Variants in DSCAM observed in about 807,000 individuals in gnomAD.
DSCAM encodes DS cell adhesion molecule.
DSCAM carries 47 observed loss-of-function variants against 217.7 expected under a neutral mutation model. That is an observed-to-expected ratio of 0.22 (90% CI 0.17 to 0.28). The LOEUF is 0.28. Ranked by LOEUF, DSCAM falls within the 10% of genes least tolerant of loss-of-function variation. The pLI, the probability that DSCAM is intolerant of heterozygous loss-of-function variation, is 1.00. For synonymous variants in DSCAM, 1,056 were observed against 1,015.3 expected (o/e 1.04, Z -0.76); for missense variants, 2,080 against 2,618.3 (o/e 0.79, Z 4.49).
rs141329252 is a variant in DSCAM, at chr21:40,389,810, T to C, written c.509-20565A>G. Among the ~76,000 whole-genome samples the C allele has an allele frequency of 2.6e-3, 394 of 152,306 alleles. 12 individuals are homozygous for C. In the East Asian group the frequency reaches 0.051, roughly 20 times the overall value. On this transcript the variant is annotated intron_variant, in intron 3 of 32. Coordinates refer to ENST00000400454, the MANE Select transcript of DSCAM (RefSeq NM_001389.5). The stretch of plus-strand genomic sequence containing the variant: ...AATGGCCATGCCACGTGTTCATGCA[T>C]CAAGGAAGAGAAAACTTAAGAACAC...
At chr21:40,108,175 G>A (rs558725629) in intron 20 of DSCAM, among the ~76,000 whole-genome samples, 1 of 152,114 alleles carries the variant, frequency 6.6e-6, no homozygotes, top group Non-Finnish European at 1.5e-5. Flanking sequence ...AATCAGGCAA[G>A]AGAAAGAAAT....
chr21:40,337,028 C>T (rs934509844), intron 8 of DSCAM, among the ~76,000 whole-genome samples: 1 of 152,098 alleles, frequency 6.6e-6, no homozygotes, highest in Admixed American at 6.6e-5. Flanking sequence ...ATATACAATG[C>T]ACAATACATA....
intron 1 of DSCAM, among the ~76,000 whole-genome samples, chr21:40,841,527 C>A: frequency 6.6e-6 from 1 of 152,150 alleles, no homozygotes; most frequent in East Asian, 1.9e-4. Context: ...GAGTTAACCC[C>A]CCAGTCCAGG....
chr21:40,331,666 G>T (rs952469449), intron 8 of DSCAM, among the ~76,000 whole-genome samples: 1 of 151,884 alleles, frequency 6.6e-6, no homozygotes, highest in South Asian at 2.1e-4. Flanking sequence ...TTTGAAGGAG[G>T]ACATGGTAAA....
At chr21:40,137,594 T>TAC (rs3988428) in intron 18 of DSCAM, among the ~76,000 whole-genome samples, 283 of 134,994 alleles carry the variant, frequency 2.1e-3, no homozygotes, top group African/African-American at 4.9e-3. Flanking sequence ...GGCTGTTTAA[T>TAC]ACACACACAC....
intron 18 of DSCAM, among the ~76,000 whole-genome samples, chr21:40,139,045 G>T (rs1405814749): frequency 6.8e-6 from 1 of 146,862 alleles, no homozygotes. Context: ...AGTGTGTGTT[G>T]TGTGTGTGTG....
intron 3 of DSCAM, among the ~76,000 whole-genome samples, chr21:40,466,405 G>C (rs1274389884): frequency 6.6e-6 from 1 of 152,288 alleles, no homozygotes; most frequent in South Asian, 2.1e-4. Context: ...CACTGGAAGA[G>C]ACCATGTACT....
chr21:40,219,468 A>G (rs1287487501), intron 11 of DSCAM, among the ~76,000 whole-genome samples: 1 of 152,264 alleles, frequency 6.6e-6, no homozygotes, highest in East Asian at 1.9e-4. Context: ...CACCATTCAC[A>G]GAAGCAGTCA....
intron 3 of DSCAM, among the ~76,000 whole-genome samples, chr21:40,628,093 T>C (rs976886346): frequency 8.5e-5 from 13 of 152,222 alleles, no homozygotes; most frequent in African/African-American, 3.1e-4. Flanking sequence ...AAACCACAAA[T>C]AATTTGTGTC....
chr21:40,391,836 G>A (rs1379498530), intron 3 of DSCAM, among the ~76,000 whole-genome samples: 1 of 152,194 alleles, frequency 6.6e-6, no homozygotes, highest in Non-Finnish European at 1.5e-5. Flanking sequence ...ATGGTATGTT[G>A]ACACAATTTG....
intron 6 of DSCAM, among the ~76,000 whole-genome samples, chr21:40,340,332 A>G (rs1158636132): frequency 6.6e-6 from 1 of 152,212 alleles, no homozygotes; most frequent in African/African-American, 2.4e-5. Flanking sequence ...AAATTTTCAT[A>G]TTCCATTATT....
At chr21:40,304,213 A>G (rs1387835227) in intron 9 of DSCAM, among the ~76,000 whole-genome samples, 1 of 152,208 alleles carries the variant, frequency 6.6e-6, no homozygotes, top group Non-Finnish European at 1.5e-5. Context: ...TTTTAGATCA[A>G]GTCTTTACAA....
intron 20 of DSCAM, among the ~76,000 whole-genome samples, chr21:40,122,985 C>T (rs761094172): frequency 6.6e-5 from 10 of 152,296 alleles, no homozygotes; most frequent in East Asian, 5.8e-4. Flanking sequence ...GAGATTCCAT[C>T]GCATGCTACA....
intron 22 of DSCAM, 76 bp from the exon 23 acceptor site, chr21:40,085,841 A>C: frequency 7.7e-7 from 1 of 1,303,450 alleles, no homozygotes; most frequent in East Asian, 2.6e-5. Context: ...AAAAACAGAA[A>C]GACTCTGTGA....
intron 20 of DSCAM, among the ~76,000 whole-genome samples, chr21:40,119,032 C>A (rs1305314978): frequency 6.6e-6 from 1 of 152,170 alleles, no homozygotes; most frequent in Non-Finnish European, 1.5e-5. Flanking sequence ...TGTCATGAAA[C>A]CTGCCTGGGT....
chr21:40,808,511 T>C (rs924498816), intron 1 of DSCAM, among the ~76,000 whole-genome samples: 3 of 150,390 alleles, frequency 2.0e-5, no homozygotes, highest in Admixed American at 1.3e-4. Context: ...TCTCTCTCTG[T>C]GACCCAGGCT....
chr21:40,137,139 C>T (rs1705052849), intron 18 of DSCAM, among the ~76,000 whole-genome samples: 1 of 141,210 alleles, frequency 7.1e-6, no homozygotes, highest in South Asian at 2.3e-4. Flanking sequence ...CGCACCACTG[C>T]ACTCCAGCCT....
At position 40,276,279 on chromosome 21, in the gene DSCAM, G is replaced by C. The variant is rs2073686224; in HGVS notation, c.2183-9C>G. ...CTGGGGAACCCCAGCACCTGAGACA[G>C]AAAAAGAAAGACGAGCAATGATGCA... is the stretch of plus-strand genomic sequence containing the variant. On this transcript the variant is annotated splice_polypyrimidine_tract_variant and intron_variant, in intron 10 of 32. Coordinates refer to ENST00000400454, the MANE Select transcript of DSCAM (RefSeq NM_001389.5). The C allele has an allele frequency of 1.3e-6, 2 of 1,577,308 alleles. No individual in the cohort carries two copies. The highest frequency in any genetic ancestry group is 1.7e-6 in the Non-Finnish European group (2 of 1,164,244).
intron 14 of DSCAM, 108 bp from the exon 15 acceptor site, chr21:40,179,202 A>AAAAAAAAAAAAC: frequency 9.3e-7 from 1 of 1,079,006 alleles, no homozygotes; most frequent in East Asian, 2.7e-5. Context: ...AAAAAAAAAA[A>AAAAAAAAAAAAC]AAAAAAAGAC....
Sources: gnomAD v4.1 joint callset for allele counts (sites outside exome capture counted in the v4.1 genomes callset) on GRCh38, gnomAD v4.1.1 for gene constraint, MANE v1.5 for transcripts, NCBI Gene and HGNC (gene_info 2026-07-23, HGNC 2026-07-21) for gene names.